Variants in ARHGAP10 observed in about 807,000 individuals in gnomAD.
ARHGAP10 encodes the protein Rho GTPase activating protein 10.
ARHGAP10 carries 87 observed loss-of-function variants against 108.6 expected under a neutral mutation model. The ratio of observed to expected loss-of-function variants is 0.80; its 90% confidence interval spans 0.67 to 0.96. The LOEUF (loss-of-function observed/expected upper bound fraction) is 0.96, where lower values mean the gene tolerates loss of function less well. Among genes scored for constraint, ARHGAP10 ranks in the 40% least tolerant of loss-of-function variants. The pLI is 0.00. For synonymous variants in ARHGAP10, 347 were observed against 341.1 expected (o/e 1.02, Z -0.19); for missense variants, 939 against 954.5 (o/e 0.98, Z 0.21).
intron 10 of ARHGAP10, among the ~76,000 whole-genome samples, chr4:147,890,922 A>G (rs776475078): frequency 3.3e-5 from 5 of 152,234 alleles, no homozygotes; most frequent in African/African-American, 1.2e-4. Context: ...CAAAACCACA[A>G]TGAGATACCA....
intron 1 of ARHGAP10, among the ~76,000 whole-genome samples, chr4:147,739,382 A>G (rs1728559915): frequency 6.6e-6 from 1 of 152,212 alleles, no homozygotes; most frequent in Non-Finnish European, 1.5e-5. Context: ...CCTTTCCTCC[A>G]AGTGACTGAT....
chr4:147,921,213 A>G (rs563257335), intron 13 of ARHGAP10, among the ~76,000 whole-genome samples: 1 of 152,188 alleles, frequency 6.6e-6, no homozygotes, highest in African/African-American at 2.4e-5. Context: ...TATATAGAGG[A>G]TAGGAATTCT....
Position 147,834,121 on chromosome 4 carries a change from TTC to T in ARHGAP10, c.312+11165_312+11166del, listed in dbSNP as rs1733065628. ...CAAGAGTGGGGGACCCAGGTCTCTC[TTC>T]CTTTTTCTTTCTATAAAGTCACCAG... is the stretch of plus-strand genomic sequence containing the variant. On this transcript the variant is annotated intron_variant, in intron 3 of 22. Transcript: ENST00000336498. Among the ~76,000 whole-genome samples the T allele has an allele frequency of 2.0e-5, 3 of 152,374 alleles. No homozygotes were observed. In the South Asian group the frequency reaches 6.2e-4, roughly 32 times the overall value.
chr4:147,944,519 C>A (rs1283365317), intron 14 of ARHGAP10, among the ~76,000 whole-genome samples: 1 of 152,222 alleles, frequency 6.6e-6, no homozygotes, highest in East Asian at 1.9e-4. Context: ...GAGTTGTCAT[C>A]CACCCTTCAT....
At chr4:147,845,472 T>C (rs960810504) in intron 3 of ARHGAP10, among the ~76,000 whole-genome samples, 25 of 152,190 alleles carry the variant, frequency 1.6e-4, no homozygotes, top group Non-Finnish European at 3.4e-4. Context: ...TATTTAAAGT[T>C]TATTAAGATG....
intron 19 of ARHGAP10, among the ~76,000 whole-genome samples, chr4:148,043,633 A>ATG (rs1391706041): frequency 1.1e-4 from 11 of 102,130 alleles, no homozygotes; most frequent in African/African-American, 3.8e-4. Context: ...ATATATATAT[A>ATG]TATATATATA....
intron 18 of ARHGAP10, among the ~76,000 whole-genome samples, chr4:147,992,751 T>C (rs969332690): frequency 1.3e-5 from 2 of 152,196 alleles, no homozygotes; most frequent in Admixed American, 1.3e-4. Flanking sequence ...TCTAGACTTC[T>C]GCCATCCAGT....
chr4:147,854,378 C>G (rs1734004998), intron 4 of ARHGAP10, among the ~76,000 whole-genome samples: 1 of 152,212 alleles, frequency 6.6e-6, no homozygotes, highest in African/African-American at 2.4e-5. Context: ...GCCTTCTTCT[C>G]TGGAGTAGAC....
intron 22 of ARHGAP10, among the ~76,000 whole-genome samples, chr4:148,066,862 G>A (rs759246375): frequency 7.2e-5 from 11 of 152,190 alleles, no homozygotes; most frequent in Admixed American, 4.6e-4. Flanking sequence ...TGCTATAGAC[G>A]TATGGGGGAG....
intron 1 of ARHGAP10, among the ~76,000 whole-genome samples, chr4:147,803,476 T>G (rs1202225796): frequency 6.6e-6 from 1 of 152,242 alleles, no homozygotes; most frequent in Non-Finnish European, 1.5e-5. Flanking sequence ...CTTTTCTTGT[T>G]ATTTTGAAAT....
chr4:147,870,777 A>C (rs7677650), intron 7 of ARHGAP10, among the ~76,000 whole-genome samples: 47 of 152,340 alleles, frequency 3.1e-4, no homozygotes, highest in African/African-American at 1.1e-3. Context: ...CTAGAATAGA[A>C]TTCTTCCTGG....
chr4:148,017,682 A>ATATATATATATATATGTG (rs1437383455), intron 18 of ARHGAP10, among the ~76,000 whole-genome samples: 8 of 135,260 alleles, frequency 5.9e-5, no homozygotes, highest in Non-Finnish European at 9.4e-5. Flanking sequence ...ATATATATAT[A>ATATATATATATATATGTG]TGTGTGTGTA....
intron 1 of ARHGAP10, among the ~76,000 whole-genome samples, chr4:147,801,003 G>A (rs1056020548): frequency 3.3e-5 from 5 of 152,190 alleles, no homozygotes; most frequent in Non-Finnish European, 4.4e-5. Context: ...ACAGCGTTTC[G>A]CCATGTTGGC....
chr4:147,734,423 T>G (rs1728344023), intron 1 of ARHGAP10, among the ~76,000 whole-genome samples: 1 of 152,236 alleles, frequency 6.6e-6, no homozygotes, highest in African/African-American at 2.4e-5. Context: ...ACATAACTTG[T>G]AATCATGCTT....
rs147984109 is a variant in ARHGAP10, at chr4:148,049,462, C to G, written c.2027+2411C>G. ...CTAGGGTCGTGCGTTGCTGTCCTCC[C>G]AGTAGCCGGTGTGTGCTTCCCACAT... On this transcript the variant is annotated intron_variant, in intron 20 of 22. Coordinates refer to ENST00000336498, the MANE Select transcript of ARHGAP10 (RefSeq NM_024605.4). Among the ~76,000 whole-genome samples the G allele has an allele frequency of 3.9e-5, 6 of 152,326 alleles. No homozygotes were observed. In the East Asian group the frequency reaches 9.7e-4, roughly 25 times the overall value.
chr4:147,775,362 G>A (rs1730242048), intron 1 of ARHGAP10, among the ~76,000 whole-genome samples: 1 of 152,216 alleles, frequency 6.6e-6, no homozygotes, highest in African/African-American at 2.4e-5. Context: ...TGAGGCTAAT[G>A]GAGGTGGTCT....
At chr4:148,026,323 G>A (rs889047462) in intron 19 of ARHGAP10, among the ~76,000 whole-genome samples, 5 of 152,162 alleles carry the variant, frequency 3.3e-5, no homozygotes, top group Non-Finnish European at 7.3e-5. Flanking sequence ...GTCACAGTAG[G>A]ATGGGCCTGG....
chr4:147,969,432 G>A (rs2149616686), intron 18 of ARHGAP10, among the ~76,000 whole-genome samples: 1 of 148,744 alleles, frequency 6.7e-6, no homozygotes, highest in African/African-American at 2.5e-5. Flanking sequence ...CATCCAGACA[G>A]CTCATGGAAA....
chr4:147,942,848 A>T (rs1403690525), intron 14 of ARHGAP10, among the ~76,000 whole-genome samples: 1 of 152,276 alleles, frequency 6.6e-6, no homozygotes, highest in Non-Finnish European at 1.5e-5. Context: ...AGCAGCCTCT[A>T]AGCCTTTCCC....
Sources: allele counts gnomAD v4.1 joint callset (sites outside exome capture counted in the v4.1 genomes callset), GRCh38; gene constraint gnomAD v4.1.1; transcripts MANE v1.5; gene names NCBI Gene and HGNC (gene_info 2026-07-23, HGNC 2026-07-21).